The following TENT2 variants were observed in gnomAD, a reference collection of about 807,000 sequenced individuals.
The protein encoded by TENT2 is poly(A) RNA polymerase GLD2.
In TENT2, 44 loss-of-function variants were observed where a neutral mutation model predicts 72.2. The ratio of observed to expected loss-of-function variants is 0.61; its 90% CI spans 0.48 to 0.78. TENT2 has a LOEUF of 0.78. Ranked by LOEUF, TENT2 falls within the 30% of genes least tolerant of loss-of-function variation. The probability of loss-of-function intolerance (pLI) is 0.00; values close to 1 mark genes in which losing one functional copy is unlikely to be tolerated. For missense variants in TENT2, 541 were observed against 569.6 expected, an observed-to-expected ratio of 0.95 and a Z score of 0.51; for synonymous variants, 212 against 192.5, an observed-to-expected ratio of 1.10 and a Z score of -0.84.
At chr5:79,658,384 T>C (rs1799455789) in intron 11 of TENT2, among the ~76,000 whole-genome samples, 1 of 151,512 alleles carries the variant, frequency 6.6e-6, no homozygotes, top group African/African-American at 2.4e-5. Context: ...TTAGAGACGG[T>C]CTTGCTGTGA....
At chr5:79,674,895 GGAA>G (rs1815981978) in intron 12 of TENT2, among the ~76,000 whole-genome samples, 1 of 152,064 alleles carries the variant, frequency 6.6e-6, no homozygotes, top group Non-Finnish European at 1.5e-5. Flanking sequence ...GTTTTGAGGA[GGAA>G]GGAGTGATTA....
intron 1 of TENT2, among the ~76,000 whole-genome samples, chr5:79,617,955 C>A (rs1480332946): frequency 2.0e-5 from 3 of 151,992 alleles, no homozygotes; most frequent in Non-Finnish European, 2.9e-5. Context: ...CCTTTAGATC[C>A]TTTCAGTCTG....
At chr5:79,626,216 G>A (rs1769675666) in intron 4 of TENT2, among the ~76,000 whole-genome samples, 2 of 151,800 alleles carry the variant, frequency 1.3e-5, no homozygotes, top group South Asian at 4.2e-4. Flanking sequence ...GCTCATTGCA[G>A]CCTTAAACTC....
At chr5:79,651,411 A>C (rs1793916972) in intron 10 of TENT2, among the ~76,000 whole-genome samples, 1 of 151,984 alleles carries the variant, frequency 6.6e-6, no homozygotes, top group South Asian at 2.1e-4. Flanking sequence ...AAAAAGAACC[A>C]AACTGGAGTT....
intron 6 of TENT2, 68 bp from the exon 7 acceptor site, chr5:79,642,764 T>C: frequency 8.0e-7 from 1 of 1,243,458 alleles, no homozygotes; most frequent in Non-Finnish European, 1.1e-6. Context: ...TTTGTTGAGA[T>C]ACTTTAGGAA....
chr5:79,685,361 CT>C lies in TENT2; in HGVS notation c.*94del. 2 of 905,898 alleles carry C rather than the reference CT, an allele frequency of 2.2e-6. No homozygotes were observed. Among genetic ancestry groups the C allele is most frequent in the Admixed American group, 3.0e-5 (1 of 32,958 alleles). 56.1% of individuals were successfully genotyped at this position (905,898 alleles called of 1,614,324 possible). A position where few individuals can be genotyped will look rare whatever the true frequency, so the allele number is the denominator to read the frequency against. On this transcript the variant is annotated 3_prime_UTR_variant, in exon 15 of 15. Coordinates refer to ENST00000453514, the MANE Select transcript of TENT2 (RefSeq NM_001114394.3). ...ATTATGTTTACCTCCATCATAGTTG[CT>C]TTTTTCATAGTTCTTGTTTTCATGT...
rs1186275498 is a variant in TENT2, at chr5:79,665,751, AATTT to A, written c.1072-3133_1072-3130del. Among the ~76,000 whole-genome samples, 8 of 152,240 alleles carry A rather than the reference AATTT, an allele frequency of 5.3e-5. No individual in the cohort carries two copies. In the South Asian group the frequency reaches 1.0e-3, roughly 20 times the overall value. ...CAACAGTAAAAATTTGTAACCCAAA[AATTT>A]ATTTATTAAAGAGGTGGATGTTATC... On this transcript the variant is annotated intron_variant, in intron 11 of 14. Coordinates refer to ENST00000453514, the MANE Select transcript of TENT2 (RefSeq NM_001114394.3).
rs1330882007 is a variant in TENT2, at chr5:79,642,910, T to C, written c.751T>C (p.Ser251Pro). ...CCATAAACACTTCTGTACTAGACTT[T>C]GTAAGTCTGACATGCCTCAAGTTTG... Reference protein sequence around the residue: ...LVHKHFCTRLSGYIERPQLIR... With the variant: ...LVHKHFCTRLPGYIERPQLIR... The change falls in exon 7 of 15, where the codon TCG becomes CCG. Residue 251 changes from serine (S) to proline (P), a missense_variant and splice_region_variant. Ser to Pro is a moderately conservative substitution (Grantham distance 74, BLOSUM62 -1). Transcript: ENST00000453514. 2 of 1,608,788 alleles carry C rather than the reference T, an allele frequency of 1.2e-6. No individual in the cohort carries two copies. Among genetic ancestry groups the C allele is most frequent in the Non-Finnish European group, 1.7e-6 (2 of 1,177,894 alleles).
At chr5:79,679,692 A>G (rs1338897595) in intron 13 of TENT2, 22 bp downstream of exon 13, 3 of 1,381,502 alleles carry the variant, frequency 2.2e-6, no homozygotes, top group East Asian at 2.4e-5. Context: ...TTTACCATCT[A>G]CGTATCATCA....
At chr5:79,659,234 G>A (rs1800196642) in intron 11 of TENT2, among the ~76,000 whole-genome samples, 1 of 151,706 alleles carries the variant, frequency 6.6e-6, no homozygotes, top group South Asian at 2.1e-4. Context: ...CAGCTTGTTT[G>A]CTATTATTAA....
chr5:79,648,179 C>G (rs1790672268), intron 8 of TENT2, among the ~76,000 whole-genome samples: 1 of 151,978 alleles, frequency 6.6e-6, no homozygotes, highest in Non-Finnish European at 1.5e-5. Flanking sequence ...ATGGTGGTTC[C>G]TACCTATAAT....
chr5:79,671,409 CT>C (rs60299311), intron 12 of TENT2, among the ~76,000 whole-genome samples: 256 of 142,404 alleles, frequency 1.8e-3, no homozygotes, highest in Non-Finnish European at 1.9e-3. Context: ...TTTTCTTTTT[CT>C]TTTTTTTTTT....
rs951861465 is a variant in TENT2 at position 79,685,840 on chromosome 5, G to T, written c.*567G>T. 1 of 152,736 alleles carries T rather than the reference G, an allele frequency of 6.5e-6. No homozygotes were observed. Among genetic ancestry groups the T allele is most frequent in the African/African-American group, 2.4e-5 (1 of 41,432 alleles). 9.5% of individuals were successfully genotyped at this position (152,736 alleles called of 1,614,324 possible). A position where few individuals can be genotyped will look rare whatever the true frequency, so the allele number is the denominator to read the frequency against. Reference sequence around the variant, plus strand: ...TCACTGGGATAGACTGAGGCTTTGGGTGTGTCTGTATTAGCATTTCATTAG... The same window carrying T: ...TCACTGGGATAGACTGAGGCTTTGGTTGTGTCTGTATTAGCATTTCATTAG... On this transcript the variant is annotated 3_prime_UTR_variant, in exon 15 of 15. Coordinates refer to ENST00000453514, the MANE Select transcript of TENT2 (RefSeq NM_001114394.3).
At chr5:79,621,505 T>A (rs1764759391) in intron 3 of TENT2, among the ~76,000 whole-genome samples, 1 of 152,106 alleles carries the variant, frequency 6.6e-6, no homozygotes, top group Non-Finnish European at 1.5e-5. Flanking sequence ...ACACCTGTAA[T>A]CCCAGCACTT....
Position 79,686,313 on chromosome 5 carries a change from A to C in TENT2, c.*1040A>C, listed in dbSNP as rs1826008401. 1 of 152,086 alleles carries C rather than the reference A, an allele frequency of 6.6e-6. No individual in the cohort carries two copies. Among genetic ancestry groups the C allele is most frequent in the Admixed American group, 6.5e-5 (1 of 15,272 alleles). 9.4% of individuals were successfully genotyped at this position (152,086 alleles called of 1,614,324 possible). On this transcript the variant is annotated 3_prime_UTR_variant, in exon 15 of 15. Coordinates refer to ENST00000453514, the MANE Select transcript of TENT2 (RefSeq NM_001114394.3). ...TCTTTTTTAGTATTTCTTTTTTCAC[A>C]TGAAAGAAGTGGTGGCTGCTAAAAA... is the stretch of plus-strand genomic sequence containing the variant.
At position 79,660,311 on chromosome 5, in the gene TENT2, T is replaced by C. The variant is rs1390224241; in HGVS notation, c.1071+3310T>C. Among the ~76,000 whole-genome samples, 10 of 152,264 alleles carry C rather than the reference T, an allele frequency of 6.6e-5. No individual in the cohort carries two copies. In the East Asian group the frequency reaches 1.9e-3, roughly 29 times the overall value. On this transcript the variant is annotated intron_variant, in intron 11 of 14. Coordinates refer to ENST00000453514, the MANE Select transcript of TENT2 (RefSeq NM_001114394.3). ...CGTTATTCAGTTGAATAAATGAAGC[T>C]GAGAAAGTTAAATATATAAACAGAT...
intron 13 of TENT2, among the ~76,000 whole-genome samples, chr5:79,680,549 A>G (rs1365010391): frequency 6.6e-6 from 1 of 152,212 alleles, no homozygotes; most frequent in African/African-American, 2.4e-5. Flanking sequence ...AATAAGCAAG[A>G]GGAGTATTTA....
rs757252836 is a variant in TENT2, at chr5:79,645,182, G to C, written c.811G>C (p.Asp271His). 17 of 1,605,766 alleles carry C rather than the reference G, an allele frequency of 1.1e-5. No homozygotes were observed. The highest frequency in any genetic ancestry group is 1.4e-5 in the Non-Finnish European group (16 of 1,176,510). Residue 271 changes from aspartate to histidine, a missense_variant, in exon 8 of 15, where the codon GAT (aspartate) becomes CAT (histidine). Physicochemically the swap from Asp to His is moderately conservative, Grantham distance 81. Coordinates refer to ENST00000453514, the MANE Select transcript of TENT2 (RefSeq NM_001114394.3). Reference sequence around the variant, plus strand: ...AAAAGTGCCAATTGTGAAGTTCAGGGATAAAGTCAGGTAAATAATTAATGA... The same window carrying C: ...AAAAGTGCCAATTGTGAAGTTCAGGCATAAAGTCAGGTAAATAATTAATGA... ...RAKVPIVKFR[D>H]KVSCVEFDLN...
At chr5:79,646,944 T>G (rs1789548130) in intron 8 of TENT2, among the ~76,000 whole-genome samples, 1 of 152,040 alleles carries the variant, frequency 6.6e-6, no homozygotes, top group African/African-American at 2.4e-5. Flanking sequence ...AATTTTTGTA[T>G]TTTTGGTAGA....
Sources: gnomAD v4.1 joint callset for allele counts (sites outside exome capture counted in the v4.1 genomes callset) on GRCh38, gnomAD v4.1.1 for gene constraint, MANE v1.5 for transcripts, NCBI Gene and HGNC (gene_info 2026-07-23, HGNC 2026-07-21) for gene names.